Variants in ABCA9 observed in about 807,000 individuals in gnomAD.
ABCA9 encodes the protein ATP binding cassette subfamily A member 9.
In ABCA9, 183 loss-of-function variants were observed where a neutral mutation model predicts 205.3. That is an observed-to-expected ratio of 0.89 (90% CI 0.79 to 1.01). The LOEUF is 1.01. ABCA9 is among the 50% of genes least tolerant of loss of function. The pLI is 0.00. For synonymous variants in ABCA9, 651 were observed against 683.3 expected (o/e 0.95, Z 0.74); for missense variants, 1,805 against 1,912.4 (o/e 0.94, Z 1.05).
chr17:69,011,254 G>A (rs1016458816), intron 23 of ABCA9, among the ~76,000 whole-genome samples: 1 of 152,112 alleles, frequency 6.6e-6, no homozygotes, highest in Non-Finnish European at 1.5e-5. Flanking sequence ...GAAATATTGA[G>A]ATTTGAACTC....
the ABCA9 span, among the ~76,000 whole-genome samples, chr17:69,076,332 G>A: frequency 6.6e-6 from 1 of 152,082 alleles, no homozygotes; most frequent in Non-Finnish European, 1.5e-5. Flanking sequence ...ATTGATTTGT[G>A]TATGTTGAAC....
At chr17:69,041,521 T>C (rs747894803) in intron 6 of ABCA9, among the ~76,000 whole-genome samples, 3 of 152,102 alleles carry the variant, frequency 2.0e-5, no homozygotes, top group Admixed American at 6.5e-5. Context: ...CTGGCCAACA[T>C]AGTGAAACTC....
At chr17:69,041,408 A>T (rs902945224) in intron 6 of ABCA9, among the ~76,000 whole-genome samples, 1 of 152,038 alleles carries the variant, frequency 6.6e-6, no homozygotes, top group African/African-American at 2.4e-5. Context: ...TTTGTATATC[A>T]TTTTTTAAAA....
In ABCA9 at chr17:69,012,034, A is replaced by G; in HGVS notation, c.3089T>C (p.Ile1030Thr). 1 of 1,613,374 alleles carries G rather than the reference A, an allele frequency of 6.2e-7. No homozygotes were observed. The highest frequency in any genetic ancestry group is 8.5e-7 in the Non-Finnish European group (1 of 1,179,606). The change falls in exon 23 of 39, where the codon ATA becomes ACA. Residue 1030 changes from isoleucine to threonine, a missense_variant. Coordinates refer to ENST00000340001, the MANE Select transcript of ABCA9 (RefSeq NM_080283.4). ...YGYRSNTFFW[I>T]PMAASFTPYI... Reference sequence around the variant, plus strand: ...TGGAGTGAAAGAGGCTGCCATCGGTATCCAGAAGAAGGTGTTACTTCGGTA... The same window carrying G: ...TGGAGTGAAAGAGGCTGCCATCGGTGTCCAGAAGAAGGTGTTACTTCGGTA...
chr17:68,977,289 G>A (rs964652158), intron 37 of ABCA9, among the ~76,000 whole-genome samples: 1 of 151,886 alleles, frequency 6.6e-6, no homozygotes, highest in Non-Finnish European at 1.5e-5. Context: ...TAGATGAGGG[G>A]GGGAAAGAAA....
At chr17:69,061,778 A>C (rs999486909), upstream of ABCA9, among the ~76,000 whole-genome samples, 2 of 152,234 alleles carry the variant, frequency 1.3e-5, no homozygotes, top group Non-Finnish European at 2.9e-5. Context: ...AAGTAGAAGA[A>C]AAGACTGTTC....
intron 26 of ABCA9, 59 bp downstream of exon 26, chr17:68,995,836 A>G: frequency 1.3e-6 from 2 of 1,599,132 alleles, no homozygotes; most frequent in Non-Finnish European, 1.7e-6. Context: ...TGCAATATTC[A>G]TGGCTTTCTC....
At chr17:69,033,489 A>G (rs2071228956) in intron 9 of ABCA9, 1 of 310,924 alleles carries the variant, frequency 3.2e-6, no homozygotes, top group South Asian at 6.8e-5. Context: ...AAACACTAAT[A>G]GTATCATCAT....
At chr17:68,976,350 T>G (rs1006890857) in intron 37 of ABCA9, among the ~76,000 whole-genome samples, 160 bp from the exon 38 acceptor site, 4 of 152,202 alleles carry the variant, frequency 2.6e-5, no homozygotes, top group African/African-American at 9.7e-5. Context: ...TATAGTCATA[T>G]AACAGGAGGA....
chr17:69,045,577 T>C (rs1265643267), intron 3 of ABCA9, among the ~76,000 whole-genome samples: 1 of 152,072 alleles, frequency 6.6e-6, no homozygotes, highest in Admixed American at 6.6e-5. Flanking sequence ...ATTTAAACAA[T>C]GTATCATTCT....
At chr17:69,005,954 A>G (rs1355592526) in intron 25 of ABCA9, among the ~76,000 whole-genome samples, 1 of 152,190 alleles carries the variant, frequency 6.6e-6, no homozygotes, top group Non-Finnish European at 1.5e-5. Context: ...ACTTGACTTC[A>G]TCTGCTATTT....
Position 69,016,235 on chromosome 17 carries a change from A to G in ABCA9, c.3039+18T>C. 1.3e-6 allele frequency: 2 copies of G among 1,543,542 alleles called. No individual in the cohort carries two copies. Among genetic ancestry groups the G allele is most frequent in the Non-Finnish European group, 1.7e-6 (2 of 1,150,846 alleles). On this transcript the variant is annotated intron_variant, in intron 22 of 38. Coordinates refer to ENST00000340001, the MANE Select transcript of ABCA9 (RefSeq NM_080283.4). ...AACTTATCATGGCACAGTATAAATG[A>G]GATATAATTATACTTACTTCAAAAA... is the stretch of plus-strand genomic sequence containing the variant.
Position 69,027,119 on chromosome 17 carries a change from A to T in ABCA9, c.1912-5T>A, listed in dbSNP as rs890312059. On this transcript the variant is annotated splice_polypyrimidine_tract_variant and splice_region_variant and intron_variant, in intron 14 of 38. Transcript: ENST00000340001. ...CGGTTCATCCAATAGCAAAACCTGG[A>T]CAGGAGGAAAGTCCTAAAGTAATTC... 2 of 1,613,630 alleles carry T rather than the reference A, an allele frequency of 1.2e-6. No individual in the cohort carries two copies. Among genetic ancestry groups the T allele is most frequent in the African/African-American group, 2.7e-5 (2 of 74,920 alleles).
At chr17:69,076,761 T>A in the ABCA9 span, among the ~76,000 whole-genome samples, 2 of 152,184 alleles carry the variant, frequency 1.3e-5, no homozygotes, top group African/African-American at 4.8e-5. Context: ...TTCCAGGAAT[T>A]TATCCATTTC....
Position 69,026,523 on chromosome 17 carries a change from C to T in ABCA9, c.2051-56G>A, listed in dbSNP as rs912595704. On this transcript the variant is annotated intron_variant, in intron 15 of 38. Transcript: ENST00000340001. ...ATGAAGGACTTATTTCTTTACTATT[C>T]ACAAAACACAAATCTATTAACAATG... 5.9e-6 allele frequency: 8 copies of T among 1,349,464 alleles called. No homozygotes were observed. The African/African-American group carries it at 1.0e-4, about 17-fold the overall frequency. The allele number at this position is 1,349,464 out of a possible 1,614,324, so 83.6% of individuals were successfully genotyped here.
At chr17:69,058,726 C>G (rs1483222516) in intron 1 of ABCA9, among the ~76,000 whole-genome samples, 2 of 152,036 alleles carry the variant, frequency 1.3e-5, no homozygotes, top group Admixed American at 6.6e-5. Flanking sequence ...GTAATCCCAG[C>G]TCCTTGGGAG....
chr17:68,985,130 T>G lies in ABCA9; in HGVS notation c.4209-2A>C, dbSNP rs2069188457. On this transcript the variant is annotated splice_acceptor_variant, in intron 32 of 38. Coordinates refer to ENST00000340001, the MANE Select transcript of ABCA9 (RefSeq NM_080283.4). LOFTEE classifies it high-confidence loss of function. ...TGCAGCTTGAGCGCATCCACTAACC[T>G]GAAGAAAACAGAGTCAATCCACATA... 6.2e-7 allele frequency: 1 copy of G among 1,613,980 alleles called. No individual in the cohort carries two copies. The highest frequency in any genetic ancestry group is 1.3e-5 in the African/African-American group (1 of 74,894).
At chr17:69,004,149 C>T (rs9890816) in intron 25 of ABCA9, among the ~76,000 whole-genome samples, 8,072 of 152,216 alleles carry the variant, frequency 0.053, 713 homozygotes, top group African/African-American at 0.18. Flanking sequence ...AGCTTTGTTC[C>T]GTTGCTGGTG....
intron 25 of ABCA9, among the ~76,000 whole-genome samples, chr17:69,005,598 G>A (rs1160751336): frequency 2.0e-5 from 3 of 152,176 alleles, no homozygotes; most frequent in South Asian, 2.1e-4. Context: ...GAAAAGCTCC[G>A]TATCAGGGAC....
Sources: gnomAD v4.1 joint callset for allele counts (sites outside exome capture counted in the v4.1 genomes callset) on GRCh38, gnomAD v4.1.1 for gene constraint, MANE v1.5 for transcripts, NCBI Gene and HGNC (gene_info 2026-07-23, HGNC 2026-07-21) for gene names.